ESR1: variants seen among roughly 807,000 people sequenced by gnomAD.
The protein encoded by ESR1 is estrogen receptor 1.
Under a neutral mutation model 52.7 loss-of-function variants are expected in ESR1, and 12 were observed. That is an observed-to-expected ratio of 0.23 (90% CI 0.15 to 0.37). ESR1 has a LOEUF of 0.37. Ranked by LOEUF, ESR1 falls within the 10% of genes least tolerant of loss-of-function variation. The pLI is 1.00. For synonymous variants in ESR1, 305 were observed against 316.8 expected (o/e 0.96, Z 0.39); for missense variants, 584 against 779.7 (o/e 0.75, Z 2.99).
At chr6:152,114,808 G>C (rs1298504276) in intron 6 of ESR1, among the ~76,000 whole-genome samples, 4 of 145,586 alleles carry the variant, frequency 2.7e-5, no homozygotes, top group African/African-American at 1.0e-4. Context: ...GGAGAATGGC[G>C]TGAACCCGGG....
chr6:151,894,869 G>A (rs1380300195), intron 3 of ESR1, among the ~76,000 whole-genome samples: 4 of 151,816 alleles, frequency 2.6e-5, no homozygotes, highest in African/African-American at 9.7e-5. Flanking sequence ...TGGCTATGTG[G>A]GCTCTTTTTT....
chr6:152,097,780 C>T (rs993610025), intron 7 of ESR1, among the ~76,000 whole-genome samples: 1 of 152,070 alleles, frequency 6.6e-6, no homozygotes, highest in Non-Finnish European at 1.5e-5. Context: ...GAACTGAGCT[C>T]TGGGCACTGT....
At chr6:151,950,100 T>A (rs1232443290) in intron 4 of ESR1, among the ~76,000 whole-genome samples, 1 of 152,218 alleles carries the variant, frequency 6.6e-6, no homozygotes, top group African/African-American at 2.4e-5. Context: ...CTTCTTCTCT[T>A]GTCTGCCACC....
intron 2 of ESR1, among the ~76,000 whole-genome samples, chr6:151,866,101 A>G (rs1179005293): frequency 6.6e-6 from 1 of 152,248 alleles, no homozygotes; most frequent in Non-Finnish European, 1.5e-5. Context: ...GCAGGGCCAA[A>G]GCAGCAAATA....
chr6:151,666,960 A>G (rs1330527861), intron 1 of ESR1, among the ~76,000 whole-genome samples: 2 of 152,198 alleles, frequency 1.3e-5, no homozygotes, highest in Admixed American at 6.5e-5. Context: ...AAGGGAAGGC[A>G]GGAGAGGAGA....
chr6:151,993,134 TTAATTTATAA>T (rs1251573815), intron 4 of ESR1, among the ~76,000 whole-genome samples: 1 of 152,170 alleles, frequency 6.6e-6, no homozygotes, highest in Non-Finnish European at 1.5e-5. Context: ...GTTTTAGTGG[TTAATTTATAA>T]ATTAGGCCAT....
chr6:151,907,006 A>G (rs970856062), intron 3 of ESR1, among the ~76,000 whole-genome samples: 1 of 151,874 alleles, frequency 6.6e-6, no homozygotes, highest in Admixed American at 6.6e-5. Context: ...TAAGCAATAC[A>G]TTCTTTCCCT....
chr6:151,742,537 A>T (rs1783179618), intron 2 of ESR1, among the ~76,000 whole-genome samples: 1 of 152,206 alleles, frequency 6.6e-6, no homozygotes, highest in Non-Finnish European at 1.5e-5. Context: ...TGGCTTGCTC[A>T]TGCTCATCTC....
chr6:151,951,098 T>C (rs9340910), intron 4 of ESR1, among the ~76,000 whole-genome samples: 24,464 of 152,080 alleles, frequency 0.16, 2,251 homozygotes, highest in African/African-American at 0.23. Flanking sequence ...TGTTAACAGT[T>C]TCATGCATCT....
chr6:151,826,623 G>T (rs1353707194), intron 1 of ESR1, among the ~76,000 whole-genome samples: 1 of 152,162 alleles, frequency 6.6e-6, no homozygotes, highest in African/African-American at 2.4e-5. Flanking sequence ...CAGTTTGGCA[G>T]CCTGGTTTAC....
At chr6:151,910,719 A>G (rs190314462) in intron 3 of ESR1, among the ~76,000 whole-genome samples, 6 of 152,324 alleles carry the variant, frequency 3.9e-5, no homozygotes, top group South Asian at 2.1e-4. Flanking sequence ...AAAGCAATCT[A>G]TTAAAGTGCA....
At chr6:151,934,194 G>T (rs1188725104) in intron 3 of ESR1, among the ~76,000 whole-genome samples, 1 of 152,112 alleles carries the variant, frequency 6.6e-6, no homozygotes, top group African/African-American at 2.4e-5. Flanking sequence ...TTTGTGTGTT[G>T]TTCGTTCACC....
chr6:151,919,515 A>G (rs1427395170), intron 3 of ESR1, among the ~76,000 whole-genome samples: 1 of 152,204 alleles, frequency 6.6e-6, no homozygotes, highest in Non-Finnish European at 1.5e-5. Flanking sequence ...AAATTCACAC[A>G]TACATCTATC....
At chr6:152,059,821 A>C (rs1235293651) in intron 5 of ESR1, among the ~76,000 whole-genome samples, 1 of 152,186 alleles carries the variant, frequency 6.6e-6, no homozygotes, top group East Asian at 1.9e-4. Flanking sequence ...AAGAAATGTC[A>C]CCCAAGAAAG....
At chr6:152,059,011 G>C (rs2047331820) in intron 5 of ESR1, among the ~76,000 whole-genome samples, 1 of 152,026 alleles carries the variant, frequency 6.6e-6, no homozygotes, top group African/African-American at 2.4e-5. Context: ...TCAAAGAAAA[G>C]AACGTCTGTG....
intron 1 of ESR1, among the ~76,000 whole-genome samples, chr6:151,835,022 A>T (rs1309572452): frequency 1.3e-5 from 2 of 152,084 alleles, no homozygotes; most frequent in African/African-American, 2.4e-5. Flanking sequence ...AGAGTTCGGG[A>T]TCTGTAACTT....
chr6:151,982,486 A>AT (rs202228512), intron 4 of ESR1, among the ~76,000 whole-genome samples: 13,877 of 151,746 alleles, frequency 0.091, 1,285 homozygotes, highest in African/African-American at 0.23. Context: ...GGCAAAGTTA[A>AT]TATTTTTTTT....
intron 2 of ESR1, among the ~76,000 whole-genome samples, chr6:151,879,509 A>G (rs1357429797): frequency 1.3e-5 from 2 of 152,140 alleles, no homozygotes; most frequent in Admixed American, 6.6e-5. Context: ...AGACTCTTTT[A>G]TGGGACAGTC....
At chr6:151,924,672 G>C (rs1378616937) in intron 3 of ESR1, among the ~76,000 whole-genome samples, 1 of 152,090 alleles carries the variant, frequency 6.6e-6, no homozygotes, top group African/African-American at 2.4e-5. Flanking sequence ...TCACTTAAAA[G>C]TGAGAACATG....
Sources: allele counts gnomAD v4.1 joint callset (sites outside exome capture counted in the v4.1 genomes callset), GRCh38; gene constraint gnomAD v4.1.1; transcripts MANE v1.5; gene names NCBI Gene and HGNC (gene_info 2026-07-23, HGNC 2026-07-21).